Variants in CALN1 observed in about 807,000 individuals in gnomAD.
CALN1 encodes calneuron 1, also known as calcium-binding protein 8.
CALN1 carries 17 observed loss-of-function variants against 30.6 expected under a neutral mutation model. The observed-to-expected ratio is 0.56, with a 90% confidence interval of 0.38 to 0.83. The LOEUF (loss-of-function observed/expected upper bound fraction) is 0.83. Among genes scored for constraint, CALN1 ranks in the 40% least tolerant of loss-of-function variants. The pLI, the probability that CALN1 is intolerant of heterozygous loss-of-function variation, is 0.00. For synonymous variants in CALN1, 156 were observed against 131.4 expected (o/e 1.19, Z -1.28); for missense variants, 291 against 354.9 (o/e 0.82, Z 1.45).
chr7:71,975,500 C>A (rs1798058559), intron 5 of CALN1, among the ~76,000 whole-genome samples: 1 of 152,106 alleles, frequency 6.6e-6, no homozygotes, highest in South Asian at 2.1e-4. Flanking sequence ...AATCATAGCT[C>A]ACTGCAGCCT....
chr7:71,798,176 A>G (rs1421428685), intron 6 of CALN1, among the ~76,000 whole-genome samples: 3 of 127,576 alleles, frequency 2.4e-5, no homozygotes, highest in African/African-American at 2.9e-5. Context: ...AGAGAGAGAG[A>G]TGTTGCTTGA....
At chr7:72,454,935 G>A in the CALN1 span, among the ~76,000 whole-genome samples, 1 of 151,740 alleles carries the variant, frequency 6.6e-6, no homozygotes, top group Admixed American at 6.6e-5. Flanking sequence ...GGGTTCAAGT[G>A]ATTCTCCTGC....
At chr7:72,250,872 C>T (rs761693867) in intron 3 of CALN1, among the ~76,000 whole-genome samples, 3 of 152,090 alleles carry the variant, frequency 2.0e-5, no homozygotes, top group Non-Finnish European at 1.5e-5. Flanking sequence ...CATAAATTAC[C>T]CAGTCTCAGG....
chr7:72,236,886 CT>C (rs1375305498), intron 3 of CALN1, among the ~76,000 whole-genome samples: 2 of 152,118 alleles, frequency 1.3e-5, no homozygotes, highest in African/African-American at 4.8e-5. Context: ...CCTAGGACAC[CT>C]CCCCATACTG....
intron 5 of CALN1, among the ~76,000 whole-genome samples, chr7:71,993,761 G>T (rs1448103379): frequency 6.6e-6 from 1 of 151,856 alleles, no homozygotes; most frequent in Non-Finnish European, 1.5e-5. Flanking sequence ...CCAGCCTGAG[G>T]ATATAAATAT....
intron 6 of CALN1, among the ~76,000 whole-genome samples, chr7:71,806,306 CT>C (rs774646277): frequency 1.9e-3 from 265 of 136,646 alleles, no homozygotes; most frequent in Middle Eastern, 0.011. Flanking sequence ...TTTCCCCCTC[CT>C]TTTTTTTTTT....
intron 3 of CALN1, among the ~76,000 whole-genome samples, chr7:72,252,084 A>G (rs1795599532): frequency 6.6e-6 from 1 of 152,194 alleles, no homozygotes. Context: ...GTAATGGCCT[A>G]TTCAGAATCT....
intron 5 of CALN1, among the ~76,000 whole-genome samples, chr7:72,006,369 C>T (rs906973995): frequency 1.3e-5 from 2 of 151,998 alleles, no homozygotes; most frequent in Non-Finnish European, 2.9e-5. Flanking sequence ...ATATACAAAA[C>T]AATCAATAGA....
chr7:72,221,271 A>T (rs1793269127), intron 3 of CALN1, among the ~76,000 whole-genome samples: 1 of 149,914 alleles, frequency 6.7e-6, no homozygotes, highest in Non-Finnish European at 1.5e-5. Flanking sequence ...AAACGTGGAG[A>T]CGCGATGCCC....
chr7:71,910,775 G>T (rs6964517), intron 5 of CALN1, among the ~76,000 whole-genome samples: 45,899 of 151,862 alleles, frequency 0.3, 7,482 homozygotes, highest in East Asian at 0.53. Flanking sequence ...TTCCTGCACC[G>T]TTTTTTTCTC....
chr7:72,252,687 C>G (rs1795644090), intron 3 of CALN1, among the ~76,000 whole-genome samples: 1 of 152,076 alleles, frequency 6.6e-6, no homozygotes, highest in Admixed American at 6.6e-5. Context: ...TTCCAACCTC[C>G]AGGGCCACCA....
At chr7:72,472,655 G>A in the CALN1 span, among the ~76,000 whole-genome samples, 1,077 of 152,234 alleles carry the variant, frequency 7.1e-3, 14 homozygotes, top group African/African-American at 0.025. Flanking sequence ...GGTGGCGGGC[G>A]CCTGTAGTCT....
intron 5 of CALN1, among the ~76,000 whole-genome samples, chr7:72,006,032 A>T (rs887533113): frequency 2.0e-5 from 3 of 152,226 alleles, no homozygotes; most frequent in Non-Finnish European, 4.4e-5. Flanking sequence ...ATGGTTTTGG[A>T]AAATGTTACC....
At chr7:72,316,183 TAAAA>T (rs1255560510) in intron 2 of CALN1, among the ~76,000 whole-genome samples, 1 of 151,814 alleles carries the variant, frequency 6.6e-6, no homozygotes, top group Non-Finnish European at 1.5e-5. Context: ...AATTTGTCCT[TAAAA>T]AAATACTTAC....
chr7:72,135,809 A>G (rs1337405674), intron 3 of CALN1, among the ~76,000 whole-genome samples: 1 of 152,152 alleles, frequency 6.6e-6, no homozygotes, highest in East Asian at 1.9e-4. Flanking sequence ...CCCAGCTATG[A>G]AAGTCCTAGA....
At chr7:72,256,849 C>T (rs926677534) in intron 3 of CALN1, among the ~76,000 whole-genome samples, 3 of 152,070 alleles carry the variant, frequency 2.0e-5, no homozygotes, top group Non-Finnish European at 2.9e-5. Context: ...TTACTCCTTC[C>T]CTCTGACATG....
intron 3 of CALN1, among the ~76,000 whole-genome samples, chr7:72,147,166 T>G (rs545871736): frequency 6.6e-6 from 1 of 152,070 alleles, no homozygotes; most frequent in Admixed American, 6.5e-5. Context: ...GAAACTACCA[T>G]CAGAGTGAAC....
At chr7:72,399,270 CT>C (rs5884888) in intron 2 of CALN1, among the ~76,000 whole-genome samples, 2,412 of 106,692 alleles carry the variant, frequency 0.023, 32 homozygotes, top group African/African-American at 0.059. Flanking sequence ...TAACCTATTG[CT>C]TTTTTTTTTT....
At chr7:71,981,167 T>C (rs923477449) in intron 5 of CALN1, among the ~76,000 whole-genome samples, 6 of 152,192 alleles carry the variant, frequency 3.9e-5, no homozygotes, top group African/African-American at 1.4e-4. Context: ...CTCGTTATAG[T>C]CTTTTGTTAT....
Sources: allele counts gnomAD v4.1 joint callset (sites outside exome capture counted in the v4.1 genomes callset), GRCh38; gene constraint gnomAD v4.1.1; transcripts MANE v1.5; gene names NCBI Gene and HGNC (gene_info 2026-07-23, HGNC 2026-07-21).